KCNH5: variants seen among roughly 807,000 people sequenced by gnomAD.
The protein encoded by KCNH5 is voltage-gated delayed rectifier potassium channel KCNH5.
Under a neutral mutation model 96.1 loss-of-function variants are expected in KCNH5, and 46 were observed. The observed-to-expected ratio is 0.48, with a 90% CI of 0.38 to 0.61. The LOEUF (loss-of-function observed/expected upper bound fraction) is 0.61. Ranked by LOEUF, KCNH5 falls within the 20% of genes least tolerant of loss-of-function variation. The pLI, the probability that KCNH5 is intolerant of heterozygous loss-of-function variation, is 0.00. For missense variants in KCNH5, 907 were observed against 1,225.8 expected (o/e 0.74, Z 3.88); for synonymous variants, 439 against 449.8 (o/e 0.98, Z 0.30).
chr14:62,740,613 C>T (rs117028597), intron 10 of KCNH5, among the ~76,000 whole-genome samples: 1,833 of 152,264 alleles, frequency 0.012, 17 homozygotes, highest in Non-Finnish European at 0.017. Flanking sequence ...CCCTATATTT[C>T]AACCTCATTC....
chr14:63,037,458 A>C (rs1381839944), intron 1 of KCNH5, among the ~76,000 whole-genome samples: 2 of 152,218 alleles, frequency 1.3e-5, no homozygotes, highest in Non-Finnish European at 2.9e-5. Flanking sequence ...ATGAGAGCCA[A>C]GCAAAAGGAT....
At chr14:62,857,205 C>T (rs922659095) in intron 7 of KCNH5, among the ~76,000 whole-genome samples, 1 of 152,044 alleles carries the variant, frequency 6.6e-6, no homozygotes, top group Non-Finnish European at 1.5e-5. Context: ...AATCACAAAC[C>T]TGCATTAATC....
intron 7 of KCNH5, among the ~76,000 whole-genome samples, chr14:62,886,973 T>A (rs963983110): frequency 4.6e-5 from 7 of 152,122 alleles, no homozygotes; most frequent in Admixed American, 2.0e-4. Flanking sequence ...TTTCTATACA[T>A]CAAAAAATGC....
At position 62,769,299 on chromosome 14, in the gene KCNH5, C is replaced by T. The variant is rs184444103; in HGVS notation, c.2019+10429G>A. On this transcript the variant is annotated intron_variant, in intron 10 of 10. Transcript: ENST00000322893. ...CATAACATGTAAGCAGAGCTACTGCCAGCAGGGCCAGTAGGTTGGAGTGAA... is the reference window on the plus strand; with the variant it reads ...CATAACATGTAAGCAGAGCTACTGCTAGCAGGGCCAGTAGGTTGGAGTGAA... Among the ~76,000 whole-genome samples, 164 of 152,360 alleles carry T rather than the reference C, an allele frequency of 1.1e-3. No individual in the cohort carries two copies. In the South Asian group the frequency reaches 0.012, roughly 11 times the overall value.
chr14:62,699,587 C>G lies in KCNH5; in HGVS notation c.*7921G>C, dbSNP rs1438893876. On this transcript the variant is annotated 3_prime_UTR_variant, in exon 11 of 11. Coordinates refer to ENST00000322893, the MANE Select transcript of KCNH5 (RefSeq NM_139318.5). ...GTTTATTGTGCTGAAACCCAGATTT[C>G]TTTTGGGCTAAAAGCTTCCACCTGC... 2 of 152,150 alleles carry G rather than the reference C, an allele frequency of 1.3e-5. No homozygotes were observed. The highest frequency in any genetic ancestry group is 2.1e-4 in the South Asian group (1 of 4,838). 9.4% of individuals were successfully genotyped at this position (152,150 alleles called of 1,614,324 possible).
intron 7 of KCNH5, among the ~76,000 whole-genome samples, chr14:62,890,692 C>T (rs1407462363): frequency 7.5e-6 from 1 of 132,880 alleles, no homozygotes; most frequent in Non-Finnish European, 1.6e-5. Flanking sequence ...GAGCGAGACT[C>T]CGTCTCAAAA....
intron 1 of KCNH5, among the ~76,000 whole-genome samples, chr14:63,018,129 C>T (rs891054274): frequency 1.3e-5 from 2 of 151,726 alleles, no homozygotes; most frequent in South Asian, 2.1e-4. Context: ...TAGGAAGCAA[C>T]GGAAAGTAGG....
rs530530465 is a variant in KCNH5, at chr14:62,843,566, C to G, written c.1569+6087G>C. On this transcript the variant is annotated intron_variant, in intron 8 of 10. Transcript: ENST00000322893. ...AGCTGGGACTACAGGCGTGCACCAC[C>G]ACGCCCAGCTAATTTTTGTATTTTT... 9.2e-5 allele frequency among the ~76,000 whole-genome samples: 14 copies of G among 151,966 alleles called. 1 individual carries two copies. The South Asian group carries it at 2.9e-3, about 32-fold the overall frequency.
chr14:62,705,757 T>G lies in KCNH5; in HGVS notation c.*1751A>C, dbSNP rs1264234294. The G allele has an allele frequency of 6.6e-6, 1 of 152,100 alleles. No individual in the cohort carries two copies. Among genetic ancestry groups the G allele is most frequent in the African/African-American group, 2.4e-5 (1 of 41,460 alleles). 9.4% of individuals were successfully genotyped at this position (152,100 alleles called of 1,614,324 possible). ...TCTCAAGTCTGAATGTGATAACATG[T>G]CTTTCAGTTCTAGTGGCTTTGGTTG... On this transcript the variant is annotated 3_prime_UTR_variant, in exon 11 of 11. Coordinates refer to ENST00000322893, the MANE Select transcript of KCNH5 (RefSeq NM_139318.5).
At chr14:62,869,460 A>T (rs1434487584) in intron 7 of KCNH5, among the ~76,000 whole-genome samples, 1 of 151,844 alleles carries the variant, frequency 6.6e-6, no homozygotes, top group African/African-American at 2.4e-5. Flanking sequence ...AGATTGCAAA[A>T]ATTTTCTCCC....
chr14:62,733,712 ACTTAGTGGAGATCAC>A (rs1196057734), intron 10 of KCNH5, among the ~76,000 whole-genome samples: 7 of 152,190 alleles, frequency 4.6e-5, no homozygotes, highest in African/African-American at 1.4e-4. Flanking sequence ...ACAGTCCATA[ACTTAGTGGAGATCAC>A]CCCGCTGCAT....
intron 7 of KCNH5, among the ~76,000 whole-genome samples, chr14:62,852,318 C>T (rs925001059): frequency 1.3e-5 from 2 of 152,114 alleles, no homozygotes; most frequent in Non-Finnish European, 2.9e-5. Flanking sequence ...GCTCTTTATC[C>T]CTCACTGCTT....
In KCNH5 at chr14:62,910,899, CCACACACA is replaced by C. The variant is rs1555363113; in HGVS notation, c.1369+39226_1369+39233del. Among the ~76,000 whole-genome samples, 328 of 140,364 alleles carry C rather than the reference CCACACACA, an allele frequency of 2.3e-3. 2 individuals are homozygous for C. The highest frequency in any genetic ancestry group is 4.8e-3 in the African/African-American group (181 of 37,578). 92.1% of individuals were successfully genotyped at this position (140,364 alleles called of 152,430 possible). ...CAAACAGGGTATGTGTGTGCATACA[CCACACACA>C]CACACACACACACACACACACACAC... On this transcript the variant is annotated intron_variant, in intron 7 of 10. Transcript: ENST00000322893.
chr14:62,995,096 T>G (rs1169448836), intron 4 of KCNH5, among the ~76,000 whole-genome samples: 1 of 152,046 alleles, frequency 6.6e-6, no homozygotes, highest in Non-Finnish European at 1.5e-5. Flanking sequence ...CAGATATGAA[T>G]CAGAAATAAA....
chr14:62,759,579 T>TTTTTTTTTTTTTTTTTTTTTTTTTGAG (rs1885702024), intron 10 of KCNH5, among the ~76,000 whole-genome samples: 3 of 93,606 alleles, frequency 3.2e-5, no homozygotes, highest in Non-Finnish European at 5.3e-5. Flanking sequence ...GTATATTTTT[T>TTTTTTTTTTTTTTTTTTTTTTTTTGAG]AATAATTACA....
chr14:62,818,869 A>AATGGTT (rs1887054387), intron 8 of KCNH5, among the ~76,000 whole-genome samples: 2 of 152,216 alleles, frequency 1.3e-5, no homozygotes, highest in South Asian at 4.1e-4. Context: ...ATGTCAAAAT[A>AATGGTT]ATGGTTACAG....
chr14:62,987,500 A>C (rs757127505), intron 4 of KCNH5, among the ~76,000 whole-genome samples: 1 of 152,168 alleles, frequency 6.6e-6, no homozygotes, highest in Non-Finnish European at 1.5e-5. Context: ...CTTACTGGGA[A>C]ATAGCTGTCC....
intron 8 of KCNH5, among the ~76,000 whole-genome samples, chr14:62,840,334 C>T (rs1008609149): frequency 3.3e-5 from 5 of 151,826 alleles, no homozygotes; most frequent in African/African-American, 7.3e-5. Context: ...GAAGAAAATG[C>T]CTCCTGAAGG....
At chr14:62,962,760 A>G (rs561588523) in intron 6 of KCNH5, among the ~76,000 whole-genome samples, 50 of 152,322 alleles carry the variant, frequency 3.3e-4, no homozygotes, top group Non-Finnish European at 6.6e-4. Context: ...ACAAAGCACT[A>G]AAGTCTCCTA....
Sources: allele counts gnomAD v4.1 joint callset (sites outside exome capture counted in the v4.1 genomes callset), GRCh38; gene constraint gnomAD v4.1.1; transcripts MANE v1.5; gene names NCBI Gene and HGNC (gene_info 2026-07-23, HGNC 2026-07-21).